The following MREG variants were observed in gnomAD, a reference collection of about 807,000 sequenced individuals.
MREG encodes dilute suppressor protein homolog.
In MREG, 31 loss-of-function variants were observed where a neutral mutation model predicts 28.5. The observed-to-expected ratio is 1.09, with a 90% CI of 0.82 to 1.47. The LOEUF is 1.47. MREG is among the 40% of genes most tolerant of loss of function. MREG has a pLI of 0.00. For missense variants in MREG, 256 were observed against 257.4 expected (o/e 0.99, Z 0.04); for synonymous variants, 106 against 95.2 (o/e 1.11, Z -0.66).
intron 2 of MREG, among the ~76,000 whole-genome samples, chr2:215,994,630 AG>A (rs1288157352): frequency 1.3e-5 from 2 of 149,744 alleles, no homozygotes; most frequent in Non-Finnish European, 3.0e-5. Context: ...GAGAAGAAGG[AG>A]GGGGAGGAGG....
rs190120590 is a variant in MREG, at chr2:216,021,892, T to C, written c.-68+10897A>G. On this transcript the variant is annotated intron_variant, in intron 1 of 3. Transcript: ENST00000420348. The stretch of plus-strand genomic sequence containing the variant: ...AACTCAACAAGTATTTATTATCAAC[T>C]GTGTAAGCATGGCACTGAGCTCAAC... 1.3e-4 allele frequency among the ~76,000 whole-genome samples: 20 copies of C among 152,260 alleles called. No individual in the cohort carries two copies. The East Asian group carries it at 3.9e-3, about 29-fold the overall frequency.
intron 2 of MREG, among the ~76,000 whole-genome samples, chr2:215,973,404 T>C (rs1191638164): frequency 6.6e-6 from 1 of 152,156 alleles, no homozygotes; most frequent in Non-Finnish European, 1.5e-5. Flanking sequence ...TTTGAATTTA[T>C]TTTTGCAGAC....
At chr2:215,953,270 C>G (rs1302664885) in intron 2 of MREG, among the ~76,000 whole-genome samples, 1 of 152,234 alleles carries the variant, frequency 6.6e-6, no homozygotes, top group African/African-American at 2.4e-5. Flanking sequence ...ATAGTCTTAG[C>G]TCTCAGAGTG....
Position 216,031,455 on chromosome 2 carries a change from G to GAGAGAAAGAAAGAAAGAA in MREG, c.-68+1316_-68+1333dup, listed in dbSNP as rs796985454. Among the ~76,000 whole-genome samples the GAGAGAAAGAAAGAAAGAA allele has an allele frequency of 1.9e-3, 255 of 134,006 alleles. 1 individual carries two copies. Among genetic ancestry groups the GAGAGAAAGAAAGAAAGAA allele is most frequent in the African/African-American group, 7.1e-3 (248 of 34,880 alleles). The allele number at this position is 134,006 out of a possible 152,430, so 87.9% of individuals were successfully genotyped here. A position where few individuals can be genotyped will look rare whatever the true frequency, so the allele number is the denominator to read the frequency against. On this transcript the variant is annotated intron_variant, in intron 1 of 3. Coordinates refer to the MREG transcript ENST00000420348. ...AAAGAAAGAAAGAAAAAGAAAGAAA[G>GAGAGAAAGAAAGAAAGAA]AGAGAAAGAAAGAAAGAAAGAGAAA...
At chr2:216,015,523 A>C (rs1694436011), upstream of MREG, among the ~76,000 whole-genome samples, 1 of 152,230 alleles carries the variant, frequency 6.6e-6, no homozygotes, top group Admixed American at 6.5e-5. Flanking sequence ...ATTTTGCTCC[A>C]CATGAGCTGA....
At chr2:215,939,319 C>T (rs781727538), downstream of MREG, 12 of 152,108 alleles carry the variant, frequency 7.9e-5, no homozygotes, top group Admixed American at 3.9e-4. Flanking sequence ...AAAGTGAAGA[C>T]GATATATTTA....
chr2:215,942,278 AG>A (rs905940103), downstream of MREG, among the ~76,000 whole-genome samples: 22 of 152,212 alleles, frequency 1.4e-4, no homozygotes, highest in African/African-American at 5.3e-4. Context: ...AAAATGAAAA[AG>A]GAGTACTAAA....
chr2:215,970,873 G>C (rs1693071290), intron 2 of MREG, among the ~76,000 whole-genome samples: 1 of 152,150 alleles, frequency 6.6e-6, no homozygotes, highest in Non-Finnish European at 1.5e-5. Flanking sequence ...CAAAGACTTG[G>C]AACCAGCCCA....
chr2:215,978,580 A>G (rs1376076152), intron 2 of MREG, among the ~76,000 whole-genome samples: 1 of 152,226 alleles, frequency 6.6e-6, no homozygotes, highest in Non-Finnish European at 1.5e-5. Context: ...GACACAACAA[A>G]AAAAGAGAAT....
intron 1 of MREG, among the ~76,000 whole-genome samples, chr2:216,031,453 AAG>A (rs1188319227): frequency 5.7e-5 from 8 of 140,808 alleles, no homozygotes; most frequent in African/African-American, 2.2e-4. Flanking sequence ...AAAAGAAAGA[AAG>A]AGAGAAAGAA....
At chr2:216,024,974 AAAAAGGAAAAGGAAAAGG>A in intron 1 of MREG, among the ~76,000 whole-genome samples, 2 of 151,324 alleles carry the variant, frequency 1.3e-5, no homozygotes, top group Admixed American at 1.3e-4. Flanking sequence ...AAAGGAAAGG[AAAAAGGAAAAGGAAAAGG>A]AAAGGAAAAG....
downstream of MREG, among the ~76,000 whole-genome samples, chr2:215,942,175 T>A (rs149768949): frequency 8.8e-4 from 134 of 152,246 alleles, 1 homozygote; most frequent in African/African-American, 3.0e-3. Context: ...TTAAAATAAA[T>A]ATTAATATAA....
intron 1 of MREG, among the ~76,000 whole-genome samples, chr2:216,010,389 G>T (rs62183227): frequency 3.2e-5 from 4 of 126,686 alleles, no homozygotes; most frequent in East Asian, 2.5e-4. Context: ...ACGGAGTCTC[G>T]CTCTGTCGCC....
chr2:215,957,995 C>T (rs998515835), intron 2 of MREG, among the ~76,000 whole-genome samples: 3 of 151,656 alleles, frequency 2.0e-5, no homozygotes, highest in African/African-American at 7.3e-5. Flanking sequence ...TCTCAGCAAA[C>T]TATCGCAAGG....
At chr2:215,994,005 G>A (rs1295796972) in intron 2 of MREG, among the ~76,000 whole-genome samples, 3 of 152,004 alleles carry the variant, frequency 2.0e-5, no homozygotes, top group Non-Finnish European at 4.4e-5. Context: ...ACAGTGTGGC[G>A]ATTCCTCAAG....
At chr2:215,976,630 G>A (rs1693268785) in intron 2 of MREG, among the ~76,000 whole-genome samples, 1 of 152,190 alleles carries the variant, frequency 6.6e-6, no homozygotes, top group Admixed American at 6.5e-5. Context: ...TACAGGGAGT[G>A]CTCCATAAGT....
chr2:215,984,308 T>A (rs747403245), intron 2 of MREG, among the ~76,000 whole-genome samples: 9 of 152,052 alleles, frequency 5.9e-5, no homozygotes, highest in Non-Finnish European at 1.2e-4. Context: ...AGGTGAGATT[T>A]GAGTGGGGAC....
At chr2:216,019,093 C>T (rs898211844) in intron 1 of MREG, among the ~76,000 whole-genome samples, 68 of 152,344 alleles carry the variant, frequency 4.5e-4, no homozygotes, top group African/African-American at 1.6e-3. Flanking sequence ...AGCTTTCCTG[C>T]TCTTGCATTT....
intron 1 of MREG, among the ~76,000 whole-genome samples, chr2:216,023,066 T>C (rs2105930826): frequency 6.6e-6 from 1 of 152,258 alleles, no homozygotes; most frequent in East Asian, 1.9e-4. Context: ...GGTTTCTTTC[T>C]CCACAACACT....
Sources: allele counts gnomAD v4.1 joint callset (sites outside exome capture counted in the v4.1 genomes callset), GRCh38; gene constraint gnomAD v4.1.1; transcripts MANE v1.5; gene names NCBI Gene and HGNC (gene_info 2026-07-23, HGNC 2026-07-21).